Variants in PTGIS observed in about 807,000 individuals in gnomAD.
PTGIS encodes the protein prostaglandin I2 synthase, also known as prostacyclin synthase.
Under a neutral mutation model 50.3 loss-of-function variants are expected in PTGIS, and 45 were observed. The ratio of observed to expected loss-of-function variants is 0.90; its 90% CI spans 0.70 to 1.15. PTGIS has a LOEUF of 1.15. Among genes scored for constraint, PTGIS ranks in the 50% most tolerant of loss-of-function variants. PTGIS has a pLI of 0.00. For missense variants in PTGIS, 668 were observed against 661.3 expected (o/e 1.01, Z -0.11); for synonymous variants, 260 against 267.7 (o/e 0.97, Z 0.28).
intron 5 of PTGIS, among the ~76,000 whole-genome samples, chr20:49,526,121 G>A (rs1294846763): frequency 6.6e-6 from 1 of 152,126 alleles, no homozygotes; most frequent in East Asian, 1.9e-4. Flanking sequence ...TTACCTGGGA[G>A]CTCTTAAATC....
chr20:49,547,771 C>G, intron 3 of PTGIS, 70 bp downstream of exon 3: 1 of 1,527,118 alleles, frequency 6.5e-7, no homozygotes, highest in South Asian at 1.1e-5. Flanking sequence ...CCAAGAATAA[C>G]TTGGGCCACA....
At chr20:49,557,556 A>G (rs372867860) in intron 1 of PTGIS, among the ~76,000 whole-genome samples, 1,950 of 40,306 alleles carry the variant, frequency 0.048, 47 homozygotes, top group African/African-American at 0.28. Context: ...TGCAGGAAGA[A>G]AGAAAAGAAA....
intron 5 of PTGIS, among the ~76,000 whole-genome samples, chr20:49,526,492 A>T (rs1331553396): frequency 6.6e-6 from 1 of 152,242 alleles, no homozygotes; most frequent in Admixed American, 6.5e-5. Context: ...ATATTTGCAC[A>T]ATCAATGAAT....
At position 49,524,470 on chromosome 20, in the gene PTGIS, C is replaced by T. The variant is rs140320988; in HGVS notation, c.674-231G>A. On this transcript the variant is annotated intron_variant, in intron 5 of 9. Coordinates refer to ENST00000244043, the MANE Select transcript of PTGIS (RefSeq NM_000961.4). ...AGTAAAAAGAAGCAAGGGGTCTTGT[C>T]TCCTGCAGGTGGGAGCCTGATCTAT... is the stretch of plus-strand genomic sequence containing the variant. 3.9e-3 allele frequency among the ~76,000 whole-genome samples: 593 copies of T among 152,294 alleles called. 7 individuals carry two copies. The highest frequency in any genetic ancestry group is 0.014 in the African/African-American group (565 of 41,556).
Position 49,506,042 on chromosome 20 carries a change from G to A in PTGIS, c.*1878C>T, listed in dbSNP as rs1294695482. On this transcript the variant is annotated 3_prime_UTR_variant, in exon 10 of 10. Coordinates refer to ENST00000244043, the MANE Select transcript of PTGIS (RefSeq NM_000961.4). ...TCTGGCTCTGTCAGCTCCTGAAGTC[G>A]AGAAGAATTGTCCCATCACCAGTCC... is the stretch of plus-strand genomic sequence containing the variant. The A allele has an allele frequency of 2.0e-5, 3 of 152,786 alleles. No individual in the cohort carries two copies. Among genetic ancestry groups the A allele is most frequent in the Non-Finnish European group, 2.9e-5 (2 of 68,058 alleles). 9.5% of individuals were successfully genotyped at this position (152,786 alleles called of 1,614,324 possible). A position where few individuals can be genotyped will look rare whatever the true frequency, so the allele number is the denominator to read the frequency against.
chr20:49,542,797 C>T (rs1409541144), intron 4 of PTGIS, among the ~76,000 whole-genome samples: 1 of 152,152 alleles, frequency 6.6e-6, no homozygotes, highest in African/African-American at 2.4e-5. Flanking sequence ...GCTGAGAGTG[C>T]AGACTCTGGG....
chr20:49,544,199 C>T, intron 4 of PTGIS, 106 bp downstream of exon 4: 1 of 1,474,826 alleles, frequency 6.8e-7, no homozygotes, highest in Non-Finnish European at 9.2e-7. Flanking sequence ...TCTCAAATTG[C>T]TTCCCCCACC....
At chr20:49,564,041 C>T (rs2122910372) in intron 1 of PTGIS, among the ~76,000 whole-genome samples, 1 of 152,298 alleles carries the variant, frequency 6.6e-6, no homozygotes, top group South Asian at 2.1e-4. Context: ...TTTCAAGGGG[C>T]CCACAAGCCA....
intron 5 of PTGIS, among the ~76,000 whole-genome samples, chr20:49,529,668 G>A (rs543767077): frequency 3.9e-5 from 6 of 152,226 alleles, no homozygotes; most frequent in Non-Finnish European, 7.4e-5. Flanking sequence ...CCCTCTGTCC[G>A]GTGTATCCAC....
intron 4 of PTGIS, among the ~76,000 whole-genome samples, chr20:49,541,300 GC>G (rs1982220574): frequency 6.6e-6 from 1 of 152,036 alleles, no homozygotes. Context: ...TACTCCCAAG[GC>G]CCTGTGGTCT....
At chr20:49,539,322 C>CAG (rs1349373630) in intron 5 of PTGIS, among the ~76,000 whole-genome samples, 2 of 152,230 alleles carry the variant, frequency 1.3e-5, no homozygotes, top group African/African-American at 4.8e-5. Flanking sequence ...CACACACACA[C>CAG]AGAGATTCTC....
rs201060967 is a variant in PTGIS at position 49,544,289 on chromosome 20, G to T, written c.521+16C>A. 6.2e-7 allele frequency: 1 copy of T among 1,613,790 alleles called. No homozygotes were observed. Among genetic ancestry groups the T allele is most frequent in the African/African-American group, 1.3e-5 (1 of 74,942 alleles). ...TGCCGGGCCCCAGCAGGAGGGTGGG[G>T]GCTGCACAGCCTCACCTGAGCAGGA... On this transcript the variant is annotated intron_variant, in intron 4 of 9. Coordinates refer to ENST00000244043, the MANE Select transcript of PTGIS (RefSeq NM_000961.4).
chr20:49,542,637 A>G (rs1004158444), intron 4 of PTGIS, among the ~76,000 whole-genome samples: 1 of 152,168 alleles, frequency 6.6e-6, no homozygotes, highest in African/African-American at 2.4e-5. Flanking sequence ...GGGTGGTTTC[A>G]GCTGGCCCTC....
At chr20:49,562,578 C>CT (rs951106174) in intron 1 of PTGIS, among the ~76,000 whole-genome samples, 21 of 152,212 alleles carry the variant, frequency 1.4e-4, no homozygotes, top group African/African-American at 4.8e-4. Context: ...GACACTCTCA[C>CT]TTTTTTTTAG....
At chr20:49,510,415 C>G (rs1287637998) in intron 9 of PTGIS, among the ~76,000 whole-genome samples, 4 of 152,134 alleles carry the variant, frequency 2.6e-5, no homozygotes, top group Non-Finnish European at 5.9e-5. Flanking sequence ...TTAGAAAGAT[C>G]CAATTCATTT....
chr20:49,556,628 G>A (rs1982627231), intron 1 of PTGIS, among the ~76,000 whole-genome samples: 1 of 152,132 alleles, frequency 6.6e-6, no homozygotes. Flanking sequence ...ATCAAGCCAA[G>A]TATAATATAA....
At chr20:49,515,940 G>A (rs1981461749) in intron 6 of PTGIS, among the ~76,000 whole-genome samples, 1 of 152,016 alleles carries the variant, frequency 6.6e-6, no homozygotes, top group South Asian at 2.1e-4. Context: ...GAATGCAGTG[G>A]CACAATCATA....
In PTGIS at chr20:49,549,458, T is replaced by C. The variant is rs1203964002; in HGVS notation, c.198+608A>G. Among the ~76,000 whole-genome samples, 11 of 152,158 alleles carry C rather than the reference T, an allele frequency of 7.2e-5. No homozygotes were observed. In the East Asian group the frequency reaches 2.1e-3, roughly 29 times the overall value. On this transcript the variant is annotated intron_variant, in intron 2 of 9. Transcript: ENST00000244043. Reference sequence around the variant, plus strand: ...CCAAATATTTTCAATTCGTGGCCGGTTGAATCCAGAGATATGGAACCCACC... The same window carrying C: ...CCAAATATTTTCAATTCGTGGCCGGCTGAATCCAGAGATATGGAACCCACC...
chr20:49,541,720 C>A (rs1165428536), intron 4 of PTGIS, among the ~76,000 whole-genome samples: 3 of 151,660 alleles, frequency 2.0e-5, no homozygotes, highest in Non-Finnish European at 2.9e-5. Flanking sequence ...GGCGAAAGAG[C>A]GAAACTTTGT....
Sources: allele counts gnomAD v4.1 joint callset (sites outside exome capture counted in the v4.1 genomes callset), GRCh38; gene constraint gnomAD v4.1.1; transcripts MANE v1.5; gene names NCBI Gene and HGNC (gene_info 2026-07-23, HGNC 2026-07-21).